The following ATAD2B variants were observed in gnomAD, a reference collection of about 807,000 sequenced individuals.
ATAD2B encodes the protein ATPase family AAA domain-containing protein 2B.
ATAD2B carries 40 observed loss-of-function variants against 167.6 expected under a neutral mutation model. That is an observed-to-expected ratio of 0.24 (90% CI 0.19 to 0.31). The LOEUF (loss-of-function observed/expected upper bound fraction) is 0.31, where lower values mean the gene tolerates loss of function less well. ATAD2B is among the 10% of genes least tolerant of loss of function. The pLI is 1.00. For missense variants in ATAD2B, 1,242 were observed against 1,757.2 expected (o/e 0.71, Z 5.24); for synonymous variants, 579 against 596.5 (o/e 0.97, Z 0.43).
intron 18 of ATAD2B, among the ~76,000 whole-genome samples, chr2:23,800,774 G>A (rs537531173): frequency 1.3e-5 from 2 of 150,862 alleles, no homozygotes; most frequent in African/African-American, 4.9e-5. Context: ...AAAAAATCTC[G>A]AAGCTTTTTA....
intron 17 of ATAD2B, among the ~76,000 whole-genome samples, chr2:23,818,141 C>G (rs9309162): frequency 0.027 from 2,579 of 94,570 alleles, 78 homozygotes; most frequent in Middle Eastern, 0.066. Context: ...CACACACACA[C>G]AGAGAGAGAG....
intron 8 of ATAD2B, chr2:23,872,398 G>A: frequency 2.9e-6 from 2 of 697,850 alleles, no homozygotes; most frequent in Non-Finnish European, 5.4e-6. Flanking sequence ...CTCCATGACA[G>A]CCTCTTCAGA....
At chr2:23,762,122 G>C (rs2551329) in intron 24 of ATAD2B, 87 bp downstream of exon 24, 2 of 1,370,790 alleles carry the variant, frequency 1.5e-6, no homozygotes, top group Non-Finnish European at 2.0e-6. Context: ...GGAAAAGAGC[G>C]GCACTTTGTT....
chr2:23,861,172 C>T (rs1573093528), intron 12 of ATAD2B, among the ~76,000 whole-genome samples: 1 of 142,328 alleles, frequency 7.0e-6, no homozygotes, highest in African/African-American at 2.6e-5. Context: ...TTTATAACTA[C>T]ACCCTCACAG....
chr2:23,807,784 C>T (rs1316363431), intron 18 of ATAD2B, among the ~76,000 whole-genome samples: 1 of 140,530 alleles, frequency 7.1e-6, no homozygotes, highest in Admixed American at 7.8e-5. Flanking sequence ...CCACTGCACT[C>T]CAGCCTGGGC....
At chr2:23,761,455 A>C (rs182688849) in intron 24 of ATAD2B, among the ~76,000 whole-genome samples, 50 of 152,354 alleles carry the variant, frequency 3.3e-4, no homozygotes, top group African/African-American at 8.9e-4. Flanking sequence ...ATGCAGAACC[A>C]GTAAGTACAA....
chr2:23,757,571 G>C lies in ATAD2B; in HGVS notation c.3925C>G (p.Leu1309Val). 6.2e-7 allele frequency: 1 copy of C among 1,605,482 alleles called. No individual in the cohort carries two copies. The highest frequency in any genetic ancestry group is 8.5e-7 in the Non-Finnish European group (1 of 1,177,728). Residue 1309 changes from leucine (L) to valine (V), a missense_variant, in exon 25 of 28, where the codon CTT (leucine) becomes GTT (valine). Around this residue, in one of 9 missense-constraint regions of ATAD2B, gnomAD observed 282 missense variants for 346.8 expected, o/e 0.81. Transcript: ENST00000238789. Reference sequence around the variant, plus strand: ...TTTTCTTTTGACTGGTCCTCCAGAAGAATCTTTTGTTCAGAACTACATTTA... The same window carrying C: ...TTTTCTTTTGACTGGTCCTCCAGAACAATCTTTTGTTCAGAACTACATTTA... ...GDKCSSEQKILLEDQSKEKPE... is the reference protein window; with the variant it reads ...GDKCSSEQKIVLEDQSKEKPE...
intron 22 of ATAD2B, among the ~76,000 whole-genome samples, chr2:23,782,309 A>G (rs1264234792): frequency 6.6e-6 from 1 of 152,228 alleles, no homozygotes; most frequent in Non-Finnish European, 1.5e-5. Flanking sequence ...ATTCTTCCTC[A>G]GTATAATAAA....
At chr2:23,798,028 A>G in intron 19 of ATAD2B, 110 bp downstream of exon 19, 3 of 715,442 alleles carry the variant, frequency 4.2e-6, no homozygotes, top group Non-Finnish European at 6.4e-6. Flanking sequence ...CACCCAGGAT[A>G]TAAACCCTGG....
chr2:23,844,763 T>C (rs544525985), intron 13 of ATAD2B, among the ~76,000 whole-genome samples: 3 of 151,618 alleles, frequency 2.0e-5, no homozygotes, highest in African/African-American at 7.3e-5. Flanking sequence ...ACTTAACATA[T>C]GTGTAATTAG....
At chr2:23,816,909 C>T (rs2339923) in intron 17 of ATAD2B, among the ~76,000 whole-genome samples, 68,403 of 151,930 alleles carry the variant, frequency 0.45, 16,302 homozygotes, top group East Asian at 0.78. Flanking sequence ...AAGGTTTCAA[C>T]ATTGTTTCAG....
intron 1 of ATAD2B, among the ~76,000 whole-genome samples, chr2:23,899,435 T>C (rs1700536186): frequency 6.6e-6 from 1 of 152,088 alleles, no homozygotes; most frequent in Admixed American, 6.6e-5. Flanking sequence ...CCATCACTTA[T>C]TAGGTTAAGT....
chr2:23,852,626 T>A (rs1033542981), intron 13 of ATAD2B, among the ~76,000 whole-genome samples: 7 of 152,128 alleles, frequency 4.6e-5, no homozygotes, highest in African/African-American at 1.7e-4. Flanking sequence ...TAGTTTACTA[T>A]CTAAAATTCA....
intron 12 of ATAD2B, among the ~76,000 whole-genome samples, chr2:23,860,938 T>C (rs1694250587): frequency 6.6e-6 from 1 of 151,992 alleles, no homozygotes; most frequent in African/African-American, 2.4e-5. Context: ...GCCATTGCAC[T>C]CCAGCCCGGG....
chr2:23,856,817 G>A (rs1416898368), intron 13 of ATAD2B, among the ~76,000 whole-genome samples: 8 of 151,908 alleles, frequency 5.3e-5, no homozygotes, highest in South Asian at 2.1e-4. Context: ...CCGCGATTAC[G>A]CCACTGCACT....
At chr2:23,872,662 C>A in intron 8 of ATAD2B, 2 of 1,347,412 alleles carry the variant, frequency 1.5e-6, no homozygotes, top group Non-Finnish European at 2.1e-6. Flanking sequence ...CATAGGAGAG[C>A]CTCCAGATCT....
chr2:23,789,647 G>T (rs1017319916), intron 19 of ATAD2B, among the ~76,000 whole-genome samples: 1 of 152,132 alleles, frequency 6.6e-6, no homozygotes, highest in African/African-American at 2.4e-5. Context: ...TCATATTCCT[G>T]CCCAAATTTA....
chr2:23,723,331 A>C, the ATAD2B span, among the ~76,000 whole-genome samples: 1 of 147,828 alleles, frequency 6.8e-6, no homozygotes, highest in African/African-American at 2.5e-5. Flanking sequence ...AGAGAGAAGA[A>C]AAGGAAGGAA....
chr2:23,736,955 G>A, the ATAD2B span, among the ~76,000 whole-genome samples: 5 of 152,214 alleles, frequency 3.3e-5, no homozygotes, highest in Non-Finnish European at 7.3e-5. Flanking sequence ...CTAGCACAGC[G>A]GTCCCAGATC....
Sources: gnomAD v4.1 joint callset for allele counts (sites outside exome capture counted in the v4.1 genomes callset) on GRCh38, gnomAD v4.1.1 for gene constraint, gnomAD v4.1.1 regional missense constraint, MANE v1.5 for transcripts, NCBI Gene and HGNC (gene_info 2026-07-23, HGNC 2026-07-21) for gene names.